Variants in KCNH5 observed in about 807,000 individuals in gnomAD.
The protein encoded by KCNH5 is voltage-gated delayed rectifier potassium channel KCNH5.
In KCNH5, 46 loss-of-function variants were observed where a neutral mutation model predicts 96.1. The observed-to-expected ratio is 0.48, with a 90% CI of 0.38 to 0.61. The LOEUF is 0.61. Ranked by LOEUF, KCNH5 falls within the 20% of genes least tolerant of loss-of-function variation. The pLI is 0.00. For missense variants in KCNH5, 907 were observed against 1,225.8 expected (o/e 0.74, Z 3.88); for synonymous variants, 439 against 449.8 (o/e 0.98, Z 0.30).
intron 7 of KCNH5, among the ~76,000 whole-genome samples, chr14:62,919,254 T>C (rs1566707916): frequency 1.3e-5 from 2 of 152,048 alleles, no homozygotes; most frequent in Admixed American, 1.3e-4. Context: ...TATTGCTTCA[T>C]TTTTCTTCAC....
chr14:62,980,830 A>G, intron 6 of KCNH5, 42 bp downstream of exon 6: 1 of 1,587,186 alleles, frequency 6.3e-7, no homozygotes, highest in Non-Finnish European at 8.5e-7. Flanking sequence ...TTTTCAAAAT[A>G]TATGACCCAC....
chr14:62,715,394 A>G (rs1160662216), intron 10 of KCNH5, among the ~76,000 whole-genome samples: 1 of 152,144 alleles, frequency 6.6e-6, no homozygotes, highest in African/African-American at 2.4e-5. Context: ...CCTGGGATTT[A>G]GTTGGTTTGA....
intron 8 of KCNH5, among the ~76,000 whole-genome samples, chr14:62,822,057 T>C (rs1487259400): frequency 6.6e-6 from 1 of 152,162 alleles, no homozygotes; most frequent in Non-Finnish European, 1.5e-5. Context: ...TACTTAGGTA[T>C]AAATGTAATA....
At chr14:62,951,432 G>A (rs1211760298) in intron 6 of KCNH5, among the ~76,000 whole-genome samples, 10 of 152,166 alleles carry the variant, frequency 6.6e-5, no homozygotes, top group African/African-American at 1.4e-4. Context: ...AAATAGGCAG[G>A]GAGGGAAAAT....
chr14:62,944,510 C>T (rs1340022019), intron 7 of KCNH5, among the ~76,000 whole-genome samples: 2 of 152,088 alleles, frequency 1.3e-5, no homozygotes, highest in Non-Finnish European at 2.9e-5. Flanking sequence ...CACACACACA[C>T]ACCGCTAAAT....
At chr14:63,003,506 T>A (rs1449159913) in intron 3 of KCNH5, among the ~76,000 whole-genome samples, 8 of 116,812 alleles carry the variant, frequency 6.8e-5, no homozygotes, top group Admixed American at 5.6e-4. Context: ...ATATATATTT[T>A]ATATATATTT....
intron 8 of KCNH5, among the ~76,000 whole-genome samples, chr14:62,823,985 C>A (rs943863932): frequency 2.0e-5 from 3 of 151,764 alleles, no homozygotes; most frequent in Non-Finnish European, 4.4e-5. Context: ...CAACTATAAA[C>A]CTTGATAAAA....
chr14:62,912,520 C>T (rs921572198), intron 7 of KCNH5, among the ~76,000 whole-genome samples: 1 of 151,996 alleles, frequency 6.6e-6, no homozygotes, highest in Non-Finnish European at 1.5e-5. Context: ...GATTCTCCTG[C>T]CTCAGCCTCC....
intron 6 of KCNH5, among the ~76,000 whole-genome samples, chr14:62,958,042 T>C (rs112195894): frequency 1.3e-5 from 2 of 152,336 alleles, no homozygotes; most frequent in African/African-American, 4.8e-5. Flanking sequence ...CAGAATTTCA[T>C]ATTTCTAGGA....
chr14:62,818,112 G>GGA (rs1555358332), intron 8 of KCNH5, among the ~76,000 whole-genome samples: 1 of 129,962 alleles, frequency 7.7e-6, no homozygotes, highest in African/African-American at 2.7e-5. Flanking sequence ...CTGGGGGCGG[G>GGA]GGGGGGGTGG....
chr14:62,775,478 T>C (rs932182923), intron 10 of KCNH5, among the ~76,000 whole-genome samples: 1 of 152,188 alleles, frequency 6.6e-6, no homozygotes, highest in Non-Finnish European at 1.5e-5. Flanking sequence ...TAAGCAACAC[T>C]AGCCCAGCAT....
chr14:62,854,588 T>C (rs544668471), intron 7 of KCNH5, among the ~76,000 whole-genome samples: 1 of 152,232 alleles, frequency 6.6e-6, no homozygotes, highest in African/African-American at 2.4e-5. Context: ...TACATTATTT[T>C]ACCTTTTAAA....
At chr14:62,781,548 G>A (rs767678255) in intron 9 of KCNH5, among the ~76,000 whole-genome samples, 2 of 152,186 alleles carry the variant, frequency 1.3e-5, no homozygotes, top group Admixed American at 6.5e-5. Flanking sequence ...CCGGCGGGGG[G>A]TGGGGGGCAG....
chr14:62,732,604 T>G lies in KCNH5; in HGVS notation c.2020-24149A>C, dbSNP rs148275240. On this transcript the variant is annotated intron_variant, in intron 10 of 10. Transcript: ENST00000322893. ...TTTTGTGCTGAATATATTTACCCTA[T>G]CCAGAGCTACTCCCCACCCTTCCCT... is the stretch of plus-strand genomic sequence containing the variant. Among the ~76,000 whole-genome samples the G allele has an allele frequency of 1.2e-3, 181 of 152,248 alleles. 1 individual carries two copies. Among genetic ancestry groups the G allele is most frequent in the Non-Finnish European group, 6.3e-4 (43 of 68,008 alleles).
At chr14:62,867,302 C>T (rs953737696) in intron 7 of KCNH5, among the ~76,000 whole-genome samples, 11 of 152,172 alleles carry the variant, frequency 7.2e-5, no homozygotes, top group African/African-American at 2.2e-4. Context: ...CAAATCTGCT[C>T]ATGTCACTCC....
At chr14:62,868,308 C>T (rs968773327) in intron 7 of KCNH5, among the ~76,000 whole-genome samples, 4 of 152,214 alleles carry the variant, frequency 2.6e-5, no homozygotes, top group Non-Finnish European at 5.9e-5. Context: ...TGACATGCTG[C>T]AGACATTCAA....
chr14:63,001,882 C>T (rs1017797642), intron 3 of KCNH5, among the ~76,000 whole-genome samples: 61 of 152,156 alleles, frequency 4.0e-4, no homozygotes, highest in African/African-American at 1.4e-3. Flanking sequence ...ACAAGTGTTT[C>T]CAATTAACTG....
intron 2 of KCNH5, among the ~76,000 whole-genome samples, chr14:63,013,145 A>C (rs570000436): frequency 6.3e-4 from 96 of 151,974 alleles, no homozygotes; most frequent in Non-Finnish European, 1.2e-3. Context: ...AAAAGATAAG[A>C]AAACAGAAGA....
At chr14:62,756,105 G>A (rs991632276) in intron 10 of KCNH5, among the ~76,000 whole-genome samples, 2 of 151,282 alleles carry the variant, frequency 1.3e-5, no homozygotes, top group Non-Finnish European at 1.5e-5. Context: ...ATTCAGTAAA[G>A]TTCTAAGATA....
Sources: allele counts gnomAD v4.1 joint callset (sites outside exome capture counted in the v4.1 genomes callset), GRCh38; gene constraint gnomAD v4.1.1; transcripts MANE v1.5; gene names NCBI Gene and HGNC (gene_info 2026-07-23, HGNC 2026-07-21).